The following KIAA0825 variants were observed in gnomAD, a reference collection of about 807,000 sequenced individuals.
The protein encoded by KIAA0825 is KIAA0825.
A neutral mutation model predicts 147.6 loss-of-function variants in KIAA0825; 119 were observed. That is an observed-to-expected ratio of 0.81 (90% CI 0.69 to 0.94). KIAA0825 has a LOEUF of 0.94. Ranked by LOEUF, KIAA0825 falls within the 40% of genes least tolerant of loss-of-function variation. KIAA0825 has a pLI of 0.00. For missense variants in KIAA0825, 1,381 were observed against 1,472.7 expected, an observed-to-expected ratio of 0.94 and a Z score of 1.02; for synonymous variants, 470 against 518.1, an observed-to-expected ratio of 0.91 and a Z score of 1.26.
At chr5:94,511,358 C>A (rs1454864898) in intron 5 of KIAA0825, among the ~76,000 whole-genome samples, 1 of 152,218 alleles carries the variant, frequency 6.6e-6, no homozygotes, top group East Asian at 1.9e-4. Flanking sequence ...TGGTGGCTCA[C>A]ACCTGTAATC....
chr5:94,415,134 A>C (rs1283859132), intron 15 of KIAA0825: 2 of 152,178 alleles, frequency 1.3e-5, no homozygotes, highest in Non-Finnish European at 2.9e-5. Context: ...TTTACTCAAC[A>C]ATAAGATGAA....
intron 10 of KIAA0825, among the ~76,000 whole-genome samples, chr5:94,468,007 A>G (rs1421918109): frequency 6.6e-6 from 1 of 152,248 alleles, no homozygotes. Flanking sequence ...GAGAATAAAT[A>G]ACAACCACTA....
intron 20 of KIAA0825, among the ~76,000 whole-genome samples, chr5:94,244,714 G>T (rs751163095): frequency 2.5e-4 from 38 of 152,274 alleles, no homozygotes; most frequent in Non-Finnish European, 4.1e-4. Context: ...GAGCAGACAT[G>T]TGGATCATGT....
chr5:94,180,514 C>G (rs1443939183), intron 20 of KIAA0825, among the ~76,000 whole-genome samples: 1 of 152,152 alleles, frequency 6.6e-6, no homozygotes, highest in East Asian at 1.9e-4. Flanking sequence ...AGGTTAATTT[C>G]TTAGTTTTGA....
intron 1 of KIAA0825, among the ~76,000 whole-genome samples, chr5:94,586,043 T>C (rs1783211825): frequency 6.6e-6 from 1 of 152,132 alleles, no homozygotes; most frequent in African/African-American, 2.4e-5. Context: ...TAAAACAGTG[T>C]GTAGTGGGAA....
chr5:94,239,047 G>A (rs1408347983), intron 20 of KIAA0825, among the ~76,000 whole-genome samples: 1 of 152,060 alleles, frequency 6.6e-6, no homozygotes, highest in Non-Finnish European at 1.5e-5. Flanking sequence ...TTCCTTTTGT[G>A]TATGTAAAAG....
chr5:94,383,112 G>A (rs569651327), intron 20 of KIAA0825, among the ~76,000 whole-genome samples: 1 of 152,198 alleles, frequency 6.6e-6, no homozygotes, highest in South Asian at 2.1e-4. Context: ...GACAGTATAG[G>A]TGCACACCTG....
chr5:94,197,969 A>G lies in KIAA0825; in HGVS notation c.3711-43845T>C, dbSNP rs115559036. On this transcript the variant is annotated intron_variant, in intron 20 of 20. Transcript: ENST00000682413. ...GCTATTTGGTTTCTTGTTCAGTTCC[A>G]TATGGATTTTAGAATAGTTTTTTTC... Among the ~76,000 whole-genome samples the G allele has an allele frequency of 3.8e-4, 58 of 152,312 alleles. 1 individual carries two copies. The highest frequency in any genetic ancestry group is 1.3e-3 in the African/African-American group (56 of 41,560).
At chr5:94,214,141 C>A (rs559867796) in intron 20 of KIAA0825, among the ~76,000 whole-genome samples, 21 of 152,230 alleles carry the variant, frequency 1.4e-4, no homozygotes, top group African/African-American at 5.1e-4. Context: ...CAGGCATGAA[C>A]CACTGCACCC....
chr5:94,163,683 T>C (rs2149926214), intron 20 of KIAA0825, among the ~76,000 whole-genome samples: 1 of 152,280 alleles, frequency 6.6e-6, no homozygotes, highest in East Asian at 1.9e-4. Flanking sequence ...TTAATGTAAT[T>C]AACTGAGTAT....
intron 13 of KIAA0825, among the ~76,000 whole-genome samples, chr5:94,448,145 C>A (rs1265021920): frequency 6.6e-6 from 1 of 150,746 alleles, no homozygotes; most frequent in Non-Finnish European, 1.5e-5. Context: ...ATACATTTTT[C>A]ATATGTCTTA....
intron 20 of KIAA0825, among the ~76,000 whole-genome samples, chr5:94,228,954 C>T (rs896320345): frequency 2.0e-5 from 3 of 152,162 alleles, no homozygotes; most frequent in Non-Finnish European, 4.4e-5. Flanking sequence ...CCAGGCCCCA[C>T]CCAGCCACTC....
Position 94,524,167 on chromosome 5 carries a change from G to C in KIAA0825, c.132-69C>G. 6.1e-6 allele frequency: 6 copies of C among 986,320 alleles called. No individual in the cohort carries two copies. In the South Asian group the frequency reaches 1.1e-4, roughly 18 times the overall value. 61.1% of individuals were successfully genotyped at this position (986,320 alleles called of 1,614,324 possible). ...AATGGCTTCATTTCATAATATCACA[G>C]GCCCTGAAATCTTCATATGTGGTAC... On this transcript the variant is annotated intron_variant, in intron 3 of 20. Transcript: ENST00000682413.
chr5:94,504,257 G>C (rs1765442180), intron 5 of KIAA0825, among the ~76,000 whole-genome samples: 1 of 152,130 alleles, frequency 6.6e-6, no homozygotes, highest in Non-Finnish European at 1.5e-5. Flanking sequence ...ATCTCAAGTA[G>C]GTAGAGGGAC....
At chr5:94,507,445 C>T (rs377500026) in intron 5 of KIAA0825, among the ~76,000 whole-genome samples, 228 of 151,838 alleles carry the variant, frequency 1.5e-3, no homozygotes, top group Middle Eastern at 0.01. Context: ...GAGCAAGACA[C>T]CGTCCCCCCG....
chr5:94,472,726 A>T (rs926869005), intron 8 of KIAA0825, among the ~76,000 whole-genome samples: 1 of 152,168 alleles, frequency 6.6e-6, no homozygotes, highest in Non-Finnish European at 1.5e-5. Flanking sequence ...CCTGGGCGAC[A>T]GAGTGAGGCC....
At chr5:94,557,300 G>T (rs116339873) in intron 2 of KIAA0825, among the ~76,000 whole-genome samples, 2,674 of 151,882 alleles carry the variant, frequency 0.018, 64 homozygotes, top group African/African-American at 0.052. Context: ...ATTGGGTTTT[G>T]CCATGTTGCC....
At chr5:94,326,599 G>A (rs1780718177) in intron 20 of KIAA0825, among the ~76,000 whole-genome samples, 1 of 152,056 alleles carries the variant, frequency 6.6e-6, no homozygotes, top group African/African-American at 2.4e-5. Context: ...GCCCATTCTT[G>A]AATGTAAAAA....
At chr5:94,519,499 C>A (rs977415259) in intron 5 of KIAA0825, 5 of 737,892 alleles carry the variant, frequency 6.8e-6, no homozygotes, top group Non-Finnish European at 8.3e-6. Context: ...ACAATAACTT[C>A]TTTCCTTTTT....
Sources: allele counts gnomAD v4.1 joint callset (sites outside exome capture counted in the v4.1 genomes callset), GRCh38; gene constraint gnomAD v4.1.1; transcripts MANE v1.5; gene names NCBI Gene and HGNC (gene_info 2026-07-23, HGNC 2026-07-21).